Variants in DDC observed in about 807,000 individuals in gnomAD.
DDC encodes the protein aromatic-L-amino-acid decarboxylase.
A neutral mutation model predicts 60.0 loss-of-function variants in DDC; 43 were observed. That is an observed-to-expected ratio of 0.72 (90% CI 0.56 to 0.92). DDC has a LOEUF of 0.92. Among genes scored for constraint, DDC ranks in the 40% least tolerant of loss-of-function variants. DDC has a pLI of 0.00. For synonymous variants in DDC, 232 were observed against 234.6 expected, an observed-to-expected ratio of 0.99 and a Z score of 0.10; for missense variants, 573 against 620.2, an observed-to-expected ratio of 0.92 and a Z score of 0.81.
At chr7:50,552,392 A>T (rs1463319614) in intron 1 of DDC, among the ~76,000 whole-genome samples, 3 of 152,112 alleles carry the variant, frequency 2.0e-5, no homozygotes, top group African/African-American at 4.8e-5. Context: ...TCTACCCCAC[A>T]CTATTCTCCA....
chr7:50,536,631 C>G (rs2044422231), intron 4 of DDC, among the ~76,000 whole-genome samples: 1 of 152,208 alleles, frequency 6.6e-6, no homozygotes, highest in Non-Finnish European at 1.5e-5. Flanking sequence ...CCCAGTAAGA[C>G]CCAGGTCAGA....
Position 50,544,059 on chromosome 7 carries a change from T to A in DDC, c.27A>T (p.Arg9Ser). Residue 9 changes from arginine to serine, a missense_variant, in exon 2 of 15, where the codon AGA becomes AGT. Transcript: ENST00000444124. MNASEFRR[R>S]GKEMVDYMAN... ...CCATGTAATCCACCATCTCCTTCCC[T>A]CTCCTTCGGAATTCACTTGCGTTCA... 6.2e-7 allele frequency: 1 copy of A among 1,614,014 alleles called. No individual in the cohort carries two copies. The highest frequency in any genetic ancestry group is 8.5e-7 in the Non-Finnish European group (1 of 1,179,948).
chr7:50,509,932 A>C (rs1039952048), intron 6 of DDC, among the ~76,000 whole-genome samples: 5 of 152,154 alleles, frequency 3.3e-5, no homozygotes, highest in Non-Finnish European at 7.3e-5. Flanking sequence ...CTGATAAGTA[A>C]ATTTTCTCAT....
chr7:50,498,720 T>G (rs1002825030), intron 8 of DDC, among the ~76,000 whole-genome samples: 3 of 152,270 alleles, frequency 2.0e-5, no homozygotes, highest in African/African-American at 7.2e-5. Flanking sequence ...CATTGGTAGC[T>G]TCTCGTTCAA....
intron 4 of DDC, chr7:50,531,921 G>T (rs578071276): frequency 1.3e-5 from 2 of 152,382 alleles, no homozygotes; most frequent in African/African-American, 4.8e-5. Context: ...GCTTCTGGCT[G>T]CTGATGCCGT....
At chr7:50,534,928 CT>C in intron 4 of DDC, among the ~76,000 whole-genome samples, 1 of 152,264 alleles carries the variant, frequency 6.6e-6, no homozygotes, top group Non-Finnish European at 1.5e-5. Context: ...TGTGCAGTAG[CT>C]CCCTCCCCTC....
At chr7:50,471,440 A>G (rs11974997) in intron 11 of DDC, among the ~76,000 whole-genome samples, 1,971 of 152,300 alleles carry the variant, frequency 0.013, 46 homozygotes, top group African/African-American at 0.043. Context: ...ACTGCTTCTG[A>G]ACACAAGAGA....
intron 14 of DDC, 74 bp from the exon 15 acceptor site, chr7:50,458,917 T>A (rs1585120504): frequency 7.0e-6 from 1 of 142,898 alleles, no homozygotes. Context: ...CCTCTCCCTC[T>A]CCCTCTCCCT....
chr7:50,525,133 A>T (rs190125517), intron 6 of DDC, among the ~76,000 whole-genome samples: 2 of 152,352 alleles, frequency 1.3e-5, no homozygotes, highest in Admixed American at 1.3e-4. Context: ...TCAAAATGAC[A>T]AGAGTGTAGA....
At chr7:50,500,586 C>A (rs1014158025) in intron 7 of DDC, among the ~76,000 whole-genome samples, 1 of 152,208 alleles carries the variant, frequency 6.6e-6, no homozygotes, top group Non-Finnish European at 1.5e-5. Context: ...TCCTGGCTCA[C>A]TGCTGCATCC....
At chr7:50,459,069 G>A (rs2042187773) in intron 14 of DDC, among the ~76,000 whole-genome samples, 1 of 152,204 alleles carries the variant, frequency 6.6e-6, no homozygotes, top group African/African-American at 2.4e-5. Flanking sequence ...TGATTCTCCT[G>A]CCTCAGCCTG....
At chr7:50,538,465 C>T (rs2044494440) in intron 3 of DDC, among the ~76,000 whole-genome samples, 1 of 152,160 alleles carries the variant, frequency 6.6e-6, no homozygotes, top group African/African-American at 2.4e-5. Context: ...GAGTCTCCAC[C>T]TTCATAAAAG....
At chr7:50,484,727 G>A (rs1009233836) in intron 9 of DDC, among the ~76,000 whole-genome samples, 1 of 152,148 alleles carries the variant, frequency 6.6e-6, no homozygotes, top group Admixed American at 6.5e-5. Context: ...ACCTGCATGA[G>A]ACTTTTGGTG....
intron 10 of DDC, 48 bp downstream of exon 10, chr7:50,479,739 G>C: frequency 1.3e-6 from 2 of 1,544,640 alleles, no homozygotes; most frequent in African/African-American, 1.4e-5. Flanking sequence ...GCAGCTCTGA[G>C]GGGAACAAGA....
chr7:50,564,630 GAAGTCGAT>G (rs2045395029), intron 1 of DDC, among the ~76,000 whole-genome samples: 1 of 152,172 alleles, frequency 6.6e-6, no homozygotes, highest in Non-Finnish European at 1.5e-5. Context: ...TCGACTCCTT[GAAGTCGAT>G]AACCGAACAA....
chr7:50,500,943 G>A (rs2043238358), intron 7 of DDC, among the ~76,000 whole-genome samples: 1 of 152,238 alleles, frequency 6.6e-6, no homozygotes, highest in African/African-American at 2.4e-5. Flanking sequence ...GATGCATGGA[G>A]CTGTGGGCAT....
rs374851241 is a variant in DDC, at chr7:50,483,585, T to G, written c.945-3722A>C. Among the ~76,000 whole-genome samples the G allele has an allele frequency of 1.0e-3, 152 of 152,232 alleles. 1 individual carries two copies. The highest frequency in any genetic ancestry group is 3.4e-3 in the African/African-American group (143 of 41,542). ...ATTGGACTGATAAGTTTCCTGCAGT[T>G]TAGGATACTCATTATTTAAGAATTT... is the stretch of plus-strand genomic sequence containing the variant. On this transcript the variant is annotated intron_variant, in intron 9 of 14. Transcript: ENST00000444124.
At chr7:50,535,681 C>T (rs4947631) in intron 4 of DDC, among the ~76,000 whole-genome samples, 144,052 of 152,280 alleles carry the variant, frequency 0.95, 68,265 homozygotes, top group Non-Finnish European at 0.98. Flanking sequence ...ATAGGCATTA[C>T]AAGCAAGTTC....
intron 1 of DDC, among the ~76,000 whole-genome samples, chr7:50,555,128 C>A (rs1194599518): frequency 6.6e-6 from 1 of 152,142 alleles, no homozygotes; most frequent in East Asian, 1.9e-4. Flanking sequence ...GTCAGGCTTG[C>A]CGGGTCAGCA....
Sources: allele counts gnomAD v4.1 joint callset (sites outside exome capture counted in the v4.1 genomes callset), GRCh38; gene constraint gnomAD v4.1.1; transcripts MANE v1.5; gene names NCBI Gene and HGNC (gene_info 2026-07-23, HGNC 2026-07-21).